Variants in DLG2 observed in about 807,000 individuals in gnomAD.
DLG2 encodes disks large homolog 2.
DLG2 carries 45 observed loss-of-function variants against 132.5 expected under a neutral mutation model. That is an observed-to-expected ratio of 0.34 (90% CI 0.27 to 0.44). The LOEUF (loss-of-function observed/expected upper bound fraction) is 0.44, where lower values mean the gene tolerates loss of function less well. Among genes scored for constraint, DLG2 ranks in the 20% least tolerant of loss-of-function variants. DLG2 has a pLI of 1.00. For synonymous variants in DLG2, 424 were observed against 419.6 expected, an observed-to-expected ratio of 1.01 and a Z score of -0.13; for missense variants, 1,045 against 1,196.9, an observed-to-expected ratio of 0.87 and a Z score of 1.87.
In DLG2 at chr11:83,456,822, T is replaced by A. The variant is rs1255899035; in HGVS notation, c.*2996A>T. 1 of 152,000 alleles carries A rather than the reference T, an allele frequency of 6.6e-6. No homozygotes were observed. The highest frequency in any genetic ancestry group is 1.5e-5 in the Non-Finnish European group (1 of 68,008). The allele number at this position is 152,000 out of a possible 1,614,324, so 9.4% of individuals were successfully genotyped here. On this transcript the variant is annotated 3_prime_UTR_variant, in exon 28 of 28. Coordinates refer to ENST00000376104, the MANE Select transcript of DLG2 (RefSeq NM_001142699.3). Reference sequence around the variant, plus strand: ...AAGACAGCGCACAGAGGCACCCGAGTGCAGCTTTGTGAAGACAGGCTCTTT... The same window carrying A: ...AAGACAGCGCACAGAGGCACCCGAGAGCAGCTTTGTGAAGACAGGCTCTTT...
At chr11:84,461,495 T>C (rs763342570) in intron 7 of DLG2, among the ~76,000 whole-genome samples, 11 of 151,196 alleles carry the variant, frequency 7.3e-5, no homozygotes, top group Non-Finnish European at 1.5e-4. Flanking sequence ...TGCTTTCCGA[T>C]AATTTTAAAT....
At chr11:83,865,969 C>T (rs114063669) in intron 16 of DLG2, among the ~76,000 whole-genome samples, 3,331 of 152,186 alleles carry the variant, frequency 0.022, 79 homozygotes, top group South Asian at 0.076. Context: ...TTTTCTTTGC[C>T]TAGTCAAGGT....
intron 7 of DLG2, among the ~76,000 whole-genome samples, chr11:84,296,590 C>T (rs2098091447): frequency 1.3e-5 from 2 of 152,038 alleles, no homozygotes; most frequent in Non-Finnish European, 1.5e-5. Flanking sequence ...AGGTGTATAC[C>T]ACCATGCCTG....
At chr11:84,747,373 T>C (rs2065513337) in intron 6 of DLG2, among the ~76,000 whole-genome samples, 1 of 152,194 alleles carries the variant, frequency 6.6e-6, no homozygotes, top group Non-Finnish European at 1.5e-5. Context: ...CTTACCATGA[T>C]GGAACTAAAT....
chr11:84,610,474 C>T (rs2099593517), intron 6 of DLG2, among the ~76,000 whole-genome samples: 1 of 151,982 alleles, frequency 6.6e-6, no homozygotes, highest in Admixed American at 6.6e-5. Flanking sequence ...CAGATAGTGA[C>T]CTAAACCAGA....
chr11:83,648,429 T>A (rs1361802801), intron 18 of DLG2, among the ~76,000 whole-genome samples: 1 of 152,128 alleles, frequency 6.6e-6, no homozygotes, highest in Non-Finnish European at 1.5e-5. Flanking sequence ...TTTCTTTCAA[T>A]CAATAGAAAG....
intron 6 of DLG2, among the ~76,000 whole-genome samples, chr11:85,101,467 G>A (rs2070838646): frequency 6.6e-6 from 1 of 152,020 alleles, no homozygotes; most frequent in South Asian, 2.1e-4. Context: ...CTCAGTTTAT[G>A]CTATATAATT....
chr11:85,240,890 AG>A (rs2075844876), intron 4 of DLG2, among the ~76,000 whole-genome samples: 2 of 151,800 alleles, frequency 1.3e-5, no homozygotes, highest in South Asian at 4.2e-4. Context: ...TTCCTATCTT[AG>A]TTATTCTTAA....
intron 15 of DLG2, among the ~76,000 whole-genome samples, chr11:83,908,792 G>C (rs1281102192): frequency 6.6e-6 from 1 of 152,052 alleles, no homozygotes; most frequent in Non-Finnish European, 1.5e-5. Flanking sequence ...GTAGCAGAGT[G>C]GTGCAATCAC....
rs2099068502 is a variant in DLG2, at chr11:84,457,495, C to T, written c.519+77075G>A. Among the ~76,000 whole-genome samples, 3 of 150,944 alleles carry T rather than the reference C, an allele frequency of 2.0e-5. No homozygotes were observed. In the Admixed American group the frequency reaches 2.0e-4, roughly 10 times the overall value. On this transcript the variant is annotated intron_variant, in intron 7 of 27. Transcript: ENST00000376104. Reference sequence around the variant, plus strand: ...GTGCTAAACTAAATATAATCAAATGCCAAACTGTATGGCAGAGACACTAAA... The same window carrying T: ...GTGCTAAACTAAATATAATCAAATGTCAAACTGTATGGCAGAGACACTAAA...
At chr11:83,759,597 C>A (rs2093810634) in intron 18 of DLG2, among the ~76,000 whole-genome samples, 1 of 152,134 alleles carries the variant, frequency 6.6e-6, no homozygotes, top group Non-Finnish European at 1.5e-5. Context: ...AAATTACACT[C>A]ATGCGGCTGT....
Position 83,737,896 on chromosome 11 carries a change from A to C in DLG2, c.1825+48794T>G, listed in dbSNP as rs2092118281. Among the ~76,000 whole-genome samples the C allele has an allele frequency of 2.0e-5, 3 of 152,228 alleles. No homozygotes were observed. The South Asian group carries it at 6.2e-4, about 32-fold the overall frequency. Reference sequence around the variant, plus strand: ...TACTTGCAATTTTCCTGTCTTCTCCACTTATTCTTTTGGTGATGCTGCCTT... The same window carrying C: ...TACTTGCAATTTTCCTGTCTTCTCCCCTTATTCTTTTGGTGATGCTGCCTT... On this transcript the variant is annotated intron_variant, in intron 18 of 27. Coordinates refer to ENST00000376104, the MANE Select transcript of DLG2 (RefSeq NM_001142699.3).
chr11:84,153,437 C>T (rs1451592981), intron 9 of DLG2, among the ~76,000 whole-genome samples: 1 of 152,016 alleles, frequency 6.6e-6, no homozygotes, highest in Non-Finnish European at 1.5e-5. Context: ...ATACATTTTC[C>T]AAGTTGTTTA....
intron 7 of DLG2, chr11:84,272,048 C>T (rs2097731382): frequency 1.3e-5 from 2 of 154,948 alleles, no homozygotes; most frequent in Non-Finnish European, 2.8e-5. Context: ...ATCCTTATAG[C>T]AAAATGATTT....
rs11338428 is a variant in DLG2 at position 84,174,014 on chromosome 11, C to CTTTTTTTTTTTTTTTTTTTTTT, written c.574-10525_574-10504dup. Among the ~76,000 whole-genome samples, 5 of 61,200 alleles carry CTTTTTTTTTTTTTTTTTTTTTT rather than the reference C, an allele frequency of 8.2e-5. 1 individual carries two copies. Among genetic ancestry groups the CTTTTTTTTTTTTTTTTTTTTTT allele is most frequent in the African/African-American group, 2.0e-4 (3 of 15,362 alleles). 40.1% of individuals were successfully genotyped at this position (61,200 alleles called of 152,430 possible). A position where few individuals can be genotyped will look rare whatever the true frequency, so the allele number is the denominator to read the frequency against. ...CTGAGTTTTGACTTCACCCCCCGGC[C>CTTTTTTTTTTTTTTTTTTTTTT]TTTTTTTTTTTTTTTTTTTTTTCTG... On this transcript the variant is annotated intron_variant, in intron 8 of 27. Coordinates refer to ENST00000376104, the MANE Select transcript of DLG2 (RefSeq NM_001142699.3).
intron 18 of DLG2, among the ~76,000 whole-genome samples, chr11:83,637,630 TATAACAC>T (rs2065197756): frequency 6.6e-6 from 1 of 152,128 alleles, no homozygotes; most frequent in Admixed American, 6.5e-5. Flanking sequence ...TGACATTGGT[TATAACAC>T]CACAATTGTT....
At chr11:84,641,445 C>T (rs561580332) in intron 6 of DLG2, among the ~76,000 whole-genome samples, 1 of 152,252 alleles carries the variant, frequency 6.6e-6, no homozygotes, top group African/African-American at 2.4e-5. Context: ...CGGAGATGGG[C>T]TTCTCAAAGA....
intron 8 of DLG2, among the ~76,000 whole-genome samples, chr11:84,192,591 G>T (rs556283659): frequency 6.6e-6 from 1 of 151,990 alleles, no homozygotes; most frequent in Non-Finnish European, 1.5e-5. Context: ...TTAGCTGGGC[G>T]TGGTGGCAGG....
At chr11:84,878,416 T>C (rs147308346) in intron 6 of DLG2, among the ~76,000 whole-genome samples, 3,709 of 152,218 alleles carry the variant, frequency 0.024, 173 homozygotes, top group African/African-American at 0.086. Context: ...GGGACATGGA[T>C]GAAGCTGGAA....
Sources: allele counts gnomAD v4.1 joint callset (sites outside exome capture counted in the v4.1 genomes callset), GRCh38; gene constraint gnomAD v4.1.1; transcripts MANE v1.5; gene names NCBI Gene and HGNC (gene_info 2026-07-23, HGNC 2026-07-21).